The following SLCO2A1 variants were observed in gnomAD, a reference collection of about 807,000 sequenced individuals.
SLCO2A1 encodes matrin F/G 1.
A neutral mutation model predicts 71.7 loss-of-function variants in SLCO2A1; 60 were observed. The ratio of observed to expected loss-of-function variants is 0.84; its 90% CI spans 0.68 to 1.04. The LOEUF is 1.04. Ranked by LOEUF, SLCO2A1 falls within the 50% of genes least tolerant of loss-of-function variation. The probability of loss-of-function intolerance (pLI) is 0.00; values close to 1 mark genes in which losing one functional copy is unlikely to be tolerated. For synonymous variants in SLCO2A1, 308 were observed against 326.7 expected (o/e 0.94, Z 0.62); for missense variants, 745 against 813.4 (o/e 0.92, Z 1.02).
chr3:133,974,294 G>A (rs1431023970), intron 2 of SLCO2A1, among the ~76,000 whole-genome samples: 1 of 152,168 alleles, frequency 6.6e-6, no homozygotes, highest in Non-Finnish European at 1.5e-5. Flanking sequence ...TGGCTTGGTG[G>A]CCAGAATAAC....
chr3:133,947,462 G>A lies in SLCO2A1; in HGVS notation c.1106-17C>T, dbSNP rs771166983. The A allele has an allele frequency of 6.2e-7, 1 of 1,603,470 alleles. No individual in the cohort carries two copies. The highest frequency in any genetic ancestry group is 2.2e-5 in the East Asian group (1 of 44,676). On this transcript the variant is annotated splice_polypyrimidine_tract_variant and intron_variant, in intron 8 of 13. Coordinates refer to ENST00000310926, the MANE Select transcript of SLCO2A1 (RefSeq NM_005630.3). ...TCACAGCACCTATAAGTGGAAAGAA[G>A]GAGGTGATCCAGGTGCACAGGCCTG...
chr3:133,942,663 A>T lies in SLCO2A1; in HGVS notation c.1567T>A (p.Ser523Thr). 6.2e-7 allele frequency: 1 copy of T among 1,613,856 alleles called. No individual in the cohort carries two copies. Among genetic ancestry groups the T allele is most frequent in the Non-Finnish European group, 8.5e-7 (1 of 1,179,936 alleles). The stretch of plus-strand genomic sequence containing the variant: ...ATGCAGGCTATCAGGGACACGAAGG[A>T]GATGAGGAAGATGGCCGGGAGCAGG... ...HFLLPAIFLI[S>T]FVSLIACISH... The change falls in exon 11 of 14, where the codon TCC becomes ACC. Residue 523 changes from serine to threonine, a missense_variant. Transcript: ENST00000310926.
chr3:133,983,226 C>T (rs539101675), intron 1 of SLCO2A1, among the ~76,000 whole-genome samples: 117 of 152,300 alleles, frequency 7.7e-4, no homozygotes, highest in African/African-American at 2.7e-3. Flanking sequence ...AGTACCCCGA[C>T]ATTACATCAT....
At chr3:133,987,511 C>T (rs1201623427) in intron 1 of SLCO2A1, among the ~76,000 whole-genome samples, 1 of 151,986 alleles carries the variant, frequency 6.6e-6, no homozygotes, top group Non-Finnish European at 1.5e-5. Context: ...AAGTCCTCCC[C>T]CCACCCCACT....
chr3:133,943,466 G>T (rs1933486168), intron 10 of SLCO2A1, among the ~76,000 whole-genome samples: 1 of 152,200 alleles, frequency 6.6e-6, no homozygotes, highest in Non-Finnish European at 1.5e-5. Flanking sequence ...TAAGGGACTA[G>T]TATGTTTCCT....
intron 1 of SLCO2A1, among the ~76,000 whole-genome samples, chr3:133,987,684 A>C (rs1048672492): frequency 4.6e-5 from 7 of 152,252 alleles, no homozygotes; most frequent in African/African-American, 1.7e-4. Context: ...TATTTGGCTC[A>C]GAATAAATCT....
intron 1 of SLCO2A1, among the ~76,000 whole-genome samples, chr3:134,020,794 C>T (rs531263500): frequency 8.7e-5 from 13 of 150,272 alleles, no homozygotes; most frequent in African/African-American, 2.7e-4. Flanking sequence ...GTGCCTTTAT[C>T]GGCACTTTGG....
At chr3:134,011,314 G>C (rs929031757) in intron 1 of SLCO2A1, among the ~76,000 whole-genome samples, 2 of 152,208 alleles carry the variant, frequency 1.3e-5, no homozygotes, top group African/African-American at 4.8e-5. Flanking sequence ...CTCCCAAAGT[G>C]CTGGAATTAC....
chr3:133,948,821 G>A (rs535720121), intron 7 of SLCO2A1, 72 bp downstream of exon 7: 16 of 1,589,622 alleles, frequency 1.0e-5, no homozygotes, highest in Non-Finnish European at 1.3e-5. Context: ...CACCACAGGG[G>A]CTGGGGTCCC....
chr3:133,948,708 C>T lies in SLCO2A1; in HGVS notation c.941-8G>A, dbSNP rs1933652084. 1.2e-6 allele frequency: 2 copies of T among 1,612,444 alleles called. No homozygotes were observed. The highest frequency in any genetic ancestry group is 4.5e-5 in the East Asian group (2 of 44,852). On this transcript the variant is annotated splice_polypyrimidine_tract_variant and splice_region_variant and intron_variant, in intron 7 of 13. Transcript: ENST00000310926. The stretch of plus-strand genomic sequence containing the variant: ...GAAAGATGCATGGAAACCCTGTGAA[C>T]AGACCGCTGTCAAGGCTCTGGCAGA...
At chr3:133,993,284 G>C (rs1934893344) in intron 1 of SLCO2A1, among the ~76,000 whole-genome samples, 1 of 152,244 alleles carries the variant, frequency 6.6e-6, no homozygotes, top group Non-Finnish European at 1.5e-5. Flanking sequence ...GAAGGGGTAA[G>C]GGAAATATCC....
intron 4 of SLCO2A1, among the ~76,000 whole-genome samples, chr3:133,954,719 A>G (rs1051222286): frequency 1.3e-5 from 2 of 152,144 alleles, no homozygotes; most frequent in African/African-American, 2.4e-5. Context: ...CGCACAGATA[A>G]TATCAGCCTC....
chr3:133,982,174 G>A (rs1051522428), intron 1 of SLCO2A1, among the ~76,000 whole-genome samples: 7 of 152,112 alleles, frequency 4.6e-5, no homozygotes, highest in Admixed American at 3.9e-4. Context: ...ATGGAAACAG[G>A]ACACCAAAGC....
In SLCO2A1 at chr3:133,951,305, C is replaced by T. The variant is rs387906806; in HGVS notation, c.764G>A (p.Gly255Glu). 1.9e-6 allele frequency: 3 copies of T among 1,614,172 alleles called. No homozygotes were observed. Among genetic ancestry groups the T allele is most frequent in the Non-Finnish European group, 2.5e-6 (3 of 1,180,034 alleles). ...NLVPGDPRWI[G>E]AWWLGLLISS... The stretch of plus-strand genomic sequence containing the variant: ...AATGAGCAGGCCTAGCCACCAGGCT[C>T]CAATCCATCGGGGGTCACCCGGGAC... Residue 255 changes from glycine (G) to glutamate (E), a missense_variant, in exon 6 of 14, where the codon GGA (glycine) becomes GAA (glutamate). Gly to Glu is a moderately conservative substitution (Grantham distance 98, BLOSUM62 -2). Transcript: ENST00000310926.
intron 3 of SLCO2A1, among the ~76,000 whole-genome samples, chr3:133,967,847 C>T (rs1230482173): frequency 4.0e-5 from 4 of 100,406 alleles, no homozygotes; most frequent in Admixed American, 2.9e-4. Context: ...CATGAACACA[C>T]GCTTCCCCCT....
At chr3:134,029,538 T>TCG (rs1935778464) in intron 1 of SLCO2A1, among the ~76,000 whole-genome samples, 169 bp downstream of exon 1, 1 of 149,198 alleles carries the variant, frequency 6.7e-6, no homozygotes, top group Non-Finnish European at 1.5e-5. Context: ...ACACACACAC[T>TCG]CGCACACACA....
intron 9 of SLCO2A1, among the ~76,000 whole-genome samples, chr3:133,946,236 G>GAAAAAAAAAAAA (rs113147743): frequency 2.1e-5 from 2 of 94,430 alleles, no homozygotes; most frequent in Non-Finnish European, 2.3e-5. Flanking sequence ...TCATTTCAAA[G>GAAAAAAAAAAAA]AAAAAAAAAA....
chr3:133,991,065 G>A (rs565436061), intron 1 of SLCO2A1, among the ~76,000 whole-genome samples: 3 of 151,868 alleles, frequency 2.0e-5, no homozygotes, highest in African/African-American at 4.8e-5. Flanking sequence ...AGCCAAGATC[G>A]CACCACAGCA....
At chr3:133,973,561 T>C in intron 3 of SLCO2A1, 102 bp downstream of exon 3, 1 of 1,239,282 alleles carries the variant, frequency 8.1e-7, no homozygotes, top group Non-Finnish European at 1.1e-6. Flanking sequence ...TCATATGCCC[T>C]CTTCCTGGAG....
Sources: allele counts gnomAD v4.1 joint callset (sites outside exome capture counted in the v4.1 genomes callset), GRCh38; gene constraint gnomAD v4.1.1; transcripts MANE v1.5; gene names NCBI Gene and HGNC (gene_info 2026-07-23, HGNC 2026-07-21).